ANXA10: variants seen among roughly 807,000 people sequenced by gnomAD.
ANXA10 encodes annexin 14.
Under a neutral mutation model 53.5 loss-of-function variants are expected in ANXA10, and 49 were observed. The observed-to-expected ratio is 0.92, with a 90% CI of 0.73 to 1.16. ANXA10 has a LOEUF of 1.16. ANXA10 is among the 50% of genes most tolerant of loss of function. The probability of loss-of-function intolerance (pLI) is 0.00; values close to 1 mark genes in which losing one functional copy is unlikely to be tolerated. For synonymous variants in ANXA10, 131 were observed against 128.9 expected (o/e 1.02, Z -0.11); for missense variants, 393 against 394.4 (o/e 1.00, Z 0.03).
chr4:168,123,333 ATTTCAGTATTGAATAGAACTGAGCTCAGT>A (rs1243521737), intron 1 of ANXA10, among the ~76,000 whole-genome samples: 1 of 152,194 alleles, frequency 6.6e-6, no homozygotes, highest in Non-Finnish European at 1.5e-5. Flanking sequence ...GGGAAAAGAG[ATTTCAGTATTGAATAGAACTGAGCTCAGT>A]TCCAAATATA....
intron 8 of ANXA10, 101 bp downstream of exon 8, chr4:168,178,084 G>T: frequency 1.8e-6 from 2 of 1,113,904 alleles, no homozygotes; most frequent in Non-Finnish European, 2.6e-6. Context: ...AGGAAATAGC[G>T]GAAAGTCAGT....
chr4:168,127,315 C>T (rs1731084805), intron 1 of ANXA10, among the ~76,000 whole-genome samples: 1 of 152,162 alleles, frequency 6.6e-6, no homozygotes, highest in Admixed American at 6.6e-5. Flanking sequence ...TTTACCTCTG[C>T]AGCCATGAGC....
At chr4:168,162,419 A>G in intron 3 of ANXA10, 109 bp from the exon 4 acceptor site, 1 of 757,706 alleles carries the variant, frequency 1.3e-6, no homozygotes, top group East Asian at 2.7e-5. Flanking sequence ...TTATGCTGTT[A>G]TTATTAAATG....
chr4:168,174,971 G>C (rs1732093780), intron 6 of ANXA10, among the ~76,000 whole-genome samples: 1 of 152,074 alleles, frequency 6.6e-6, no homozygotes, highest in Admixed American at 6.6e-5. Flanking sequence ...TAAATAAATG[G>C]GTAAGACAAA....
intron 1 of ANXA10, among the ~76,000 whole-genome samples, chr4:168,108,929 T>C (rs1003967756): frequency 1.3e-5 from 2 of 152,148 alleles, no homozygotes; most frequent in Non-Finnish European, 2.9e-5. Flanking sequence ...ATAAATCCCC[T>C]TTATAACCTC....
intron 5 of ANXA10, among the ~76,000 whole-genome samples, chr4:168,164,868 T>C (rs1279652601): frequency 6.6e-6 from 1 of 152,132 alleles, no homozygotes; most frequent in East Asian, 1.9e-4. Context: ...AAAACAAGAC[T>C]TTTCTGAAGG....
chr4:168,172,068 C>T (rs1471766139), intron 6 of ANXA10, among the ~76,000 whole-genome samples: 1 of 152,166 alleles, frequency 6.6e-6, no homozygotes, highest in Non-Finnish European at 1.5e-5. Flanking sequence ...CATTTCTTTC[C>T]TTCCCATGTT....
At chr4:168,098,735 C>T (rs1319776205) in intron 1 of ANXA10, among the ~76,000 whole-genome samples, 4 of 151,888 alleles carry the variant, frequency 2.6e-5, no homozygotes, top group Non-Finnish European at 2.9e-5. Flanking sequence ...TATATTCTTC[C>T]TCAGTTATAC....
chr4:168,184,839 T>C (rs1732334555), intron 11 of ANXA10, among the ~76,000 whole-genome samples, 158 bp downstream of exon 11: 1 of 152,172 alleles, frequency 6.6e-6, no homozygotes, highest in Non-Finnish European at 1.5e-5. Flanking sequence ...CTTTAGAACA[T>C]CGGCAGGTGC....
At chr4:168,169,638 A>G (rs1285506596) in intron 6 of ANXA10, among the ~76,000 whole-genome samples, 1 of 152,178 alleles carries the variant, frequency 6.6e-6, no homozygotes, top group African/African-American at 2.4e-5. Flanking sequence ...ACTTAAGCTT[A>G]GAGAGGTTAA....
chr4:168,131,319 T>C (rs781688075), intron 2 of ANXA10, among the ~76,000 whole-genome samples: 10 of 152,070 alleles, frequency 6.6e-5, no homozygotes, highest in Admixed American at 1.3e-4. Flanking sequence ...TTTAATTTCA[T>C]TGCAGCCTCA....
chr4:168,099,892 A>T (rs183186456), intron 1 of ANXA10, among the ~76,000 whole-genome samples: 32 of 152,252 alleles, frequency 2.1e-4, no homozygotes, highest in Admixed American at 1.8e-3. Context: ...ACTGGGTTAC[A>T]TATAAACTGT....
chr4:168,143,469 G>A (rs947042200), intron 3 of ANXA10, among the ~76,000 whole-genome samples: 10 of 152,284 alleles, frequency 6.6e-5, no homozygotes, highest in Admixed American at 3.9e-4. Flanking sequence ...ACCTATTGCA[G>A]AAACTAATCC....
chr4:168,124,299 TGAG>T (rs1731035278), intron 1 of ANXA10, among the ~76,000 whole-genome samples: 1 of 151,972 alleles, frequency 6.6e-6, no homozygotes, highest in African/African-American at 2.4e-5. Flanking sequence ...AGATGGGAGT[TGAG>T]GAGGAAATAT....
chr4:168,187,478 C>A lies in ANXA10; in HGVS notation c.*44C>A. 1 of 1,287,568 alleles carries A rather than the reference C, an allele frequency of 7.8e-7. No homozygotes were observed. The highest frequency in any genetic ancestry group is 1.1e-6 in the Non-Finnish European group (1 of 933,544). 79.8% of individuals were successfully genotyped at this position (1,287,568 alleles called of 1,614,324 possible). On this transcript the variant is annotated 3_prime_UTR_variant, in exon 12 of 12. Coordinates refer to ENST00000359299, the MANE Select transcript of ANXA10 (RefSeq NM_007193.5). ...TACTGTGCACTCCTCTTTCTAGACACTTCCAAATAGAGATTTTCTCACAAA... is the reference window on the plus strand; with the variant it reads ...TACTGTGCACTCCTCTTTCTAGACAATTCCAAATAGAGATTTTCTCACAAA...
intron 5 of ANXA10, among the ~76,000 whole-genome samples, chr4:168,164,564 C>A (rs1164546523): frequency 6.6e-6 from 1 of 152,080 alleles, no homozygotes; most frequent in Non-Finnish European, 1.5e-5. Context: ...AAGTGTCCCA[C>A]ATTTTAATTC....
intron 1 of ANXA10, among the ~76,000 whole-genome samples, chr4:168,112,270 C>T (rs903815286): frequency 1.2e-4 from 18 of 151,994 alleles, no homozygotes; most frequent in Admixed American, 1.1e-3. Context: ...CACTCCAGAG[C>T]CTCTGCAGCA....
chr4:168,155,868 TC>T (rs1731636175), intron 3 of ANXA10, among the ~76,000 whole-genome samples: 1 of 7,142 alleles, frequency 1.4e-4, no homozygotes, highest in African/African-American at 4.6e-4. Context: ...ATATGATATA[TC>T]ATATATTATA....
chr4:168,187,318 G>T (rs1405386575), intron 11 of ANXA10, 48 bp from the exon 12 acceptor site: 1 of 1,263,342 alleles, frequency 7.9e-7, no homozygotes, highest in Non-Finnish European at 1.1e-6. Flanking sequence ...TTCCTTTTTA[G>T]AACTATTATG....
Sources: gnomAD v4.1 joint callset for allele counts (sites outside exome capture counted in the v4.1 genomes callset) on GRCh38, gnomAD v4.1.1 for gene constraint, MANE v1.5 for transcripts, NCBI Gene and HGNC (gene_info 2026-07-23, HGNC 2026-07-21) for gene names.